The following TBC1D12 variants were observed in gnomAD, a reference collection of about 807,000 sequenced individuals.
The protein encoded by TBC1D12 is TBC1 domain family, member 12.
Under a neutral mutation model 86.7 loss-of-function variants are expected in TBC1D12, and 56 were observed. That is an observed-to-expected ratio of 0.65 (90% CI 0.52 to 0.81). The LOEUF (loss-of-function observed/expected upper bound fraction) is 0.81. Among genes scored for constraint, TBC1D12 ranks in the 30% least tolerant of loss-of-function variants. TBC1D12 has a pLI of 0.00. For synonymous variants in TBC1D12, 421 were observed against 411.7 expected (o/e 1.02, Z -0.27); for missense variants, 1,023 against 1,038.8 (o/e 0.98, Z 0.21).
chr10:94,436,283 G>A (rs1294123314), intron 1 of TBC1D12, among the ~76,000 whole-genome samples: 1 of 151,684 alleles, frequency 6.6e-6, no homozygotes, highest in African/African-American at 2.4e-5. Flanking sequence ...CTACAGGCGC[G>A]CGCCACCACG....
intron 2 of TBC1D12, among the ~76,000 whole-genome samples, chr10:94,442,929 A>G (rs1478920584): frequency 6.6e-6 from 1 of 152,304 alleles, no homozygotes; most frequent in East Asian, 1.9e-4. Flanking sequence ...CTTTAAAAAC[A>G]TTATTGTAGT....
At chr10:94,459,911 A>T (rs2055698701) in intron 2 of TBC1D12, among the ~76,000 whole-genome samples, 1 of 152,202 alleles carries the variant, frequency 6.6e-6, no homozygotes, top group African/African-American at 2.4e-5. Flanking sequence ...AGAGGGAGCC[A>T]GCTCTGGCCT....
chr10:94,505,994 G>C (rs2056455504), intron 6 of TBC1D12, among the ~76,000 whole-genome samples: 1 of 151,870 alleles, frequency 6.6e-6, no homozygotes, highest in Non-Finnish European at 1.5e-5. Flanking sequence ...TTGCATCTGA[G>C]GAAAGGAAAT....
intron 1 of TBC1D12, among the ~76,000 whole-genome samples, chr10:94,408,969 GAA>G (rs1483350648): frequency 6.6e-6 from 1 of 152,080 alleles, no homozygotes; most frequent in East Asian, 1.9e-4. Context: ...AAAATTTTAG[GAA>G]AACTGAAAAT....
intron 5 of TBC1D12, among the ~76,000 whole-genome samples, chr10:94,497,821 C>CTTTTTTTTT (rs796259533): frequency 2.0e-5 from 2 of 100,132 alleles, no homozygotes; most frequent in Non-Finnish European, 4.2e-5. Context: ...ACTGTGTTTT[C>CTTTTTTTTT]TTTTTTTTTT....
At chr10:94,526,707 C>T (rs573677093) in intron 11 of TBC1D12, among the ~76,000 whole-genome samples, 1 of 152,176 alleles carries the variant, frequency 6.6e-6, no homozygotes, top group South Asian at 2.1e-4. Flanking sequence ...GGAGTGTAGA[C>T]CTATCTTAAA....
In TBC1D12 at chr10:94,534,481, G is replaced by T. The variant is rs1842505666; in HGVS notation, c.*1385G>T. ...GTTTTAAATCATCATGCCCATGGAGGTGAAATACTTTGAGGAATGGGAACA... is the reference window on the plus strand; with the variant it reads ...GTTTTAAATCATCATGCCCATGGAGTTGAAATACTTTGAGGAATGGGAACA... On this transcript the variant is annotated 3_prime_UTR_variant, in exon 13 of 13. Transcript: ENST00000225235. 6.6e-6 allele frequency: 1 copy of T among 152,170 alleles called. No homozygotes were observed. The highest frequency in any genetic ancestry group is 1.5e-5 in the Non-Finnish European group (1 of 68,024). The allele number at this position is 152,170 out of a possible 1,614,324, so 9.4% of individuals were successfully genotyped here. A position where few individuals can be genotyped will look rare whatever the true frequency, so the allele number is the denominator to read the frequency against.
chr10:94,442,509 T>C (rs571902713), intron 2 of TBC1D12, among the ~76,000 whole-genome samples: 1 of 152,348 alleles, frequency 6.6e-6, no homozygotes, highest in South Asian at 2.1e-4. Flanking sequence ...GAAGAGTTGG[T>C]ACACAATCTG....
chr10:94,494,362 T>C (rs545831889), intron 4 of TBC1D12, among the ~76,000 whole-genome samples: 70 of 152,308 alleles, frequency 4.6e-4, no homozygotes, highest in Non-Finnish European at 7.4e-5. Flanking sequence ...TATAATAGTA[T>C]ACAGTTCTGC....
At chr10:94,455,135 T>C (rs977815486) in intron 2 of TBC1D12, among the ~76,000 whole-genome samples, 2 of 152,206 alleles carry the variant, frequency 1.3e-5, no homozygotes, top group Admixed American at 6.5e-5. Flanking sequence ...ATTGATGTTT[T>C]ATCATATGAT....
chr10:94,434,743 A>C (rs1182385450), intron 1 of TBC1D12, among the ~76,000 whole-genome samples: 1 of 151,980 alleles, frequency 6.6e-6, no homozygotes, highest in East Asian at 1.9e-4. Context: ...TCGTCTCTAC[A>C]AAACATTTAA....
chr10:94,465,735 C>CGTATACATACATACATAT (rs1564960371), intron 2 of TBC1D12, among the ~76,000 whole-genome samples: 2 of 146,916 alleles, frequency 1.4e-5, no homozygotes, highest in Non-Finnish European at 3.0e-5. Flanking sequence ...TACATACATA[C>CGTATACATACATACATAT]GTATACATAC....
chr10:94,416,310 A>C (rs1027081715), intron 1 of TBC1D12, among the ~76,000 whole-genome samples: 1 of 152,200 alleles, frequency 6.6e-6, no homozygotes, highest in Non-Finnish European at 1.5e-5. Flanking sequence ...CATCTGATAG[A>C]TGTTATTTAG....
At chr10:94,502,780 A>G (rs1181857043) in intron 6 of TBC1D12, among the ~76,000 whole-genome samples, 1 of 152,226 alleles carries the variant, frequency 6.6e-6, no homozygotes, top group African/African-American at 2.4e-5. Context: ...TAAAGACTTA[A>G]GGACTTTAAT....
intron 11 of TBC1D12, among the ~76,000 whole-genome samples, chr10:94,528,358 G>C (rs913151681): frequency 2.0e-5 from 3 of 152,090 alleles, no homozygotes; most frequent in Admixed American, 2.0e-4. Context: ...CCAGTTTTCT[G>C]ATAGAAGAAT....
At chr10:94,504,775 A>C (rs966332408) in intron 6 of TBC1D12, among the ~76,000 whole-genome samples, 3 of 152,234 alleles carry the variant, frequency 2.0e-5, no homozygotes, top group Admixed American at 1.3e-4. Flanking sequence ...GATAATATAA[A>C]ACAATAGTGA....
intron 9 of TBC1D12, among the ~76,000 whole-genome samples, chr10:94,520,700 C>A (rs140372692): frequency 0.012 from 1,825 of 152,040 alleles, 55 homozygotes; most frequent in African/African-American, 0.042. Flanking sequence ...CGCTCTGTCA[C>A]CCAGTCTGGA....
intron 1 of TBC1D12, among the ~76,000 whole-genome samples, chr10:94,435,073 A>G (rs371304639): frequency 1.9e-4 from 29 of 152,350 alleles, no homozygotes; most frequent in African/African-American, 6.7e-4. Flanking sequence ...ACATTTGCAA[A>G]TATACCACAA....
At position 94,535,106 on chromosome 10, in the gene TBC1D12, T is replaced by TTGGCTAAATGTAGCCAA. The variant is rs1185713171; in HGVS notation, c.*2010_*2011insTGGCTAAATGTAGCCAA. The TTGGCTAAATGTAGCCAA allele has an allele frequency of 1.3e-5, 2 of 152,136 alleles. No homozygotes were observed. Among genetic ancestry groups the TTGGCTAAATGTAGCCAA allele is most frequent in the African/African-American group, 4.8e-5 (2 of 41,430 alleles). 9.4% of individuals were successfully genotyped at this position (152,136 alleles called of 1,614,324 possible). The stretch of plus-strand genomic sequence containing the variant: ...TAGTTAAATGTAGTCAACAGCAATG[T>TTGGCTAAATGTAGCCAA]CAGAACAATTGACATTGTCTTTCCA... On this transcript the variant is annotated 3_prime_UTR_variant, in exon 13 of 13. Coordinates refer to ENST00000225235, the MANE Select transcript of TBC1D12 (RefSeq NM_015188.2).
Sources: allele counts gnomAD v4.1 joint callset (sites outside exome capture counted in the v4.1 genomes callset), GRCh38; gene constraint gnomAD v4.1.1; transcripts MANE v1.5; gene names NCBI Gene and HGNC (gene_info 2026-07-23, HGNC 2026-07-21).